The following TJP1 variants were observed in gnomAD, a reference collection of about 807,000 sequenced individuals.
TJP1 encodes the protein tight junction protein 1, also known as tight junction protein ZO-1.
A neutral mutation model predicts 194.2 loss-of-function variants in TJP1; 43 were observed. The ratio of observed to expected loss-of-function variants is 0.22; its 90% CI spans 0.17 to 0.29. The LOEUF (loss-of-function observed/expected upper bound fraction) is 0.29. Among genes scored for constraint, TJP1 ranks in the 10% least tolerant of loss-of-function variants. TJP1 has a pLI of 1.00. For missense variants in TJP1, 1,971 were observed against 2,185.7 expected, an observed-to-expected ratio of 0.90 and a Z score of 1.96; for synonymous variants, 801 against 779.0, an observed-to-expected ratio of 1.03 and a Z score of -0.47.
chr15:29,948,647 C>T (rs753271247), intron 2 of TJP1, among the ~76,000 whole-genome samples: 15 of 152,092 alleles, frequency 9.9e-5, no homozygotes, highest in African/African-American at 3.4e-4. Context: ...ACAAGCCTAC[C>T]GAGGAAGCCT....
At chr15:29,950,590 G>A (rs1447247365) in intron 2 of TJP1, among the ~76,000 whole-genome samples, 1 of 152,172 alleles carries the variant, frequency 6.6e-6, no homozygotes, top group East Asian at 1.9e-4. Context: ...TCTCGTACTG[G>A]TGATGGGAGA....
At chr15:29,952,786 C>T (rs1417864776) in intron 2 of TJP1, among the ~76,000 whole-genome samples, 3 of 152,136 alleles carry the variant, frequency 2.0e-5, no homozygotes, top group Non-Finnish European at 2.9e-5. Flanking sequence ...GGGAGTCATA[C>T]ATTTAATCAG....
intron 2 of TJP1, among the ~76,000 whole-genome samples, chr15:29,930,200 C>A (rs1012302122): frequency 6.6e-6 from 1 of 152,114 alleles, no homozygotes; most frequent in Non-Finnish European, 1.5e-5. Context: ...TCTATTTACA[C>A]AGACTATTAC....
intron 2 of TJP1, among the ~76,000 whole-genome samples, chr15:29,929,801 C>CA (rs572171477): frequency 1.2e-3 from 176 of 146,186 alleles, no homozygotes; most frequent in African/African-American, 3.4e-3. Context: ...AAACTTGAAA[C>CA]AAAAAAAAAA....
intron 27 of TJP1, among the ~76,000 whole-genome samples, chr15:29,703,152 G>C (rs2041661068): frequency 6.6e-6 from 1 of 152,148 alleles, no homozygotes; most frequent in South Asian, 2.1e-4. Context: ...ATACGTTGTA[G>C]ATTAAGAAAT....
At chr15:29,785,556 A>G (rs1276291132) in intron 2 of TJP1, among the ~76,000 whole-genome samples, 1 of 152,132 alleles carries the variant, frequency 6.6e-6, no homozygotes, top group Non-Finnish European at 1.5e-5. Flanking sequence ...TTATTCTCCA[A>G]AGATTCCTCT....
intron 1 of TJP1, chr15:29,820,822 T>G (rs1397422300): frequency 5.9e-6 from 3 of 504,912 alleles, no homozygotes; most frequent in Non-Finnish European, 1.1e-5. Flanking sequence ...CAAGTTAAAT[T>G]TTTCTTAAAC....
intron 1 of TJP1, among the ~76,000 whole-genome samples, chr15:29,959,524 G>A (rs2056078965): frequency 2.0e-5 from 3 of 152,078 alleles, no homozygotes; most frequent in African/African-American, 4.8e-5. Context: ...ACTGTGGCCT[G>A]CCTTCAGGAA....
chr15:29,725,279 C>T (rs1302845417), intron 18 of TJP1, among the ~76,000 whole-genome samples: 1 of 152,122 alleles, frequency 6.6e-6, no homozygotes, highest in Non-Finnish European at 1.5e-5. Context: ...AACCATAGTT[C>T]TGACACATTA....
chr15:29,771,076 A>T (rs908515124), intron 4 of TJP1, among the ~76,000 whole-genome samples: 1 of 152,170 alleles, frequency 6.6e-6, no homozygotes. Context: ...TATCCACTAT[A>T]TATTTTTACT....
At chr15:29,863,667 A>T (rs1237947515) in intron 2 of TJP1, among the ~76,000 whole-genome samples, 1 of 152,152 alleles carries the variant, frequency 6.6e-6, no homozygotes, top group Non-Finnish European at 1.5e-5. Context: ...GTGATGATGT[A>T]GACAGAGAAG....
chr15:29,810,118 C>A (rs114192314), intron 1 of TJP1, among the ~76,000 whole-genome samples: 1,926 of 152,198 alleles, frequency 0.013, 44 homozygotes, highest in African/African-American at 0.045. Flanking sequence ...TCAAAAAGTA[C>A]TGGATTTTGA....
At chr15:29,964,538 C>T (rs576314733) in intron 1 of TJP1, among the ~76,000 whole-genome samples, 18 of 152,218 alleles carry the variant, frequency 1.2e-4, no homozygotes, top group Admixed American at 8.5e-4. Context: ...AAGGATCCTC[C>T]CCTACAGCAT....
At chr15:29,925,421 G>GGT (rs1448702855) in intron 2 of TJP1, among the ~76,000 whole-genome samples, 2 of 151,966 alleles carry the variant, frequency 1.3e-5, no homozygotes, top group African/African-American at 4.8e-5. Flanking sequence ...TCTGCCACCA[G>GGT]GTGTGTGGTG....
At chr15:29,890,510 A>C (rs993473869) in intron 2 of TJP1, among the ~76,000 whole-genome samples, 57 of 152,162 alleles carry the variant, frequency 3.7e-4, no homozygotes, top group African/African-American at 1.3e-3. Context: ...TAAGGGAAAA[A>C]ATGGACAGCT....
chr15:29,876,479 C>T (rs2052704460), intron 2 of TJP1, among the ~76,000 whole-genome samples: 1 of 151,836 alleles, frequency 6.6e-6, no homozygotes, highest in Non-Finnish European at 1.5e-5. Context: ...CAAGCTCGTG[C>T]CACTGCACTC....
At chr15:29,767,980 T>C (rs1366308018) in intron 4 of TJP1, among the ~76,000 whole-genome samples, 1 of 152,196 alleles carries the variant, frequency 6.6e-6, no homozygotes, top group African/African-American at 2.4e-5. Flanking sequence ...CTAAAATCTG[T>C]CCTCTACCTA....
chr15:29,850,906 G>C (rs1029163966), intron 2 of TJP1, among the ~76,000 whole-genome samples: 1 of 152,100 alleles, frequency 6.6e-6, no homozygotes. Flanking sequence ...GGGAGGCCGA[G>C]GTAGGTGAAT....
At chr15:29,724,085 G>T (rs969685511) in intron 18 of TJP1, among the ~76,000 whole-genome samples, 1 of 152,214 alleles carries the variant, frequency 6.6e-6, no homozygotes, top group African/African-American at 2.4e-5. Flanking sequence ...GGCTCTGCAG[G>T]TCTGCTGTGC....
Sources: allele counts gnomAD v4.1 joint callset (sites outside exome capture counted in the v4.1 genomes callset), GRCh38; gene constraint gnomAD v4.1.1; transcripts MANE v1.5; gene names NCBI Gene and HGNC (gene_info 2026-07-23, HGNC 2026-07-21).